DNAJC1: variants seen among roughly 807,000 people sequenced by gnomAD.
DNAJC1 encodes the protein dnaJ homolog subfamily C member 1.
Under a neutral mutation model 76.6 loss-of-function variants are expected in DNAJC1, and 58 were observed. That is an observed-to-expected ratio of 0.76 (90% CI 0.61 to 0.94). DNAJC1 has a LOEUF of 0.94. Among genes scored for constraint, DNAJC1 ranks in the 40% least tolerant of loss-of-function variants. The pLI is 0.00. For synonymous variants in DNAJC1, 258 were observed against 267.9 expected, an observed-to-expected ratio of 0.96 and a Z score of 0.36; for missense variants, 689 against 677.3, an observed-to-expected ratio of 1.02 and a Z score of -0.19.
At chr10:21,940,289 G>A (rs1837385124) in intron 1 of DNAJC1, among the ~76,000 whole-genome samples, 1 of 152,164 alleles carries the variant, frequency 6.6e-6, no homozygotes, top group African/African-American at 2.4e-5. Context: ...TGGCCAATAT[G>A]TTACAAAAGA....
chr10:21,829,436 T>C (rs1417771929), intron 8 of DNAJC1, among the ~76,000 whole-genome samples: 2 of 152,234 alleles, frequency 1.3e-5, no homozygotes, highest in Non-Finnish European at 2.9e-5. Context: ...CAGAATGGTC[T>C]TGATTTCCTG....
chr10:21,923,283 T>C (rs1837067226), intron 3 of DNAJC1, among the ~76,000 whole-genome samples: 1 of 151,976 alleles, frequency 6.6e-6, no homozygotes, highest in African/African-American at 2.4e-5. Flanking sequence ...ATAGCTTCCA[T>C]TATAGTTCAT....
rs111997994 is a variant in DNAJC1, at chr10:21,870,319, A to G, written c.978+11963T>C. ...AACTTCTCAACTTGATTTTTTAAAA[A>G]CTTAGACTGATGTGGACAAAATCAG... On this transcript the variant is annotated intron_variant, in intron 8 of 11. Coordinates refer to ENST00000376980, the MANE Select transcript of DNAJC1 (RefSeq NM_022365.4). Among the ~76,000 whole-genome samples, 37 of 152,262 alleles carry G rather than the reference A, an allele frequency of 2.4e-4. 1 individual carries two copies. Among genetic ancestry groups the G allele is most frequent in the African/African-American group, 8.4e-4 (35 of 41,534 alleles).
At chr10:21,839,752 G>C (rs1835539304) in intron 8 of DNAJC1, among the ~76,000 whole-genome samples, 1 of 152,250 alleles carries the variant, frequency 6.6e-6, no homozygotes, top group South Asian at 2.1e-4. Flanking sequence ...CTCATTTTAT[G>C]AGGCCAGCAT....
chr10:21,956,140 G>A (rs910389032), intron 1 of DNAJC1, among the ~76,000 whole-genome samples: 7 of 152,078 alleles, frequency 4.6e-5, no homozygotes, highest in African/African-American at 1.7e-4. Context: ...AGAGCCTTTC[G>A]CTGCATCATC....
chr10:21,805,235 C>G (rs1008022809), intron 9 of DNAJC1, among the ~76,000 whole-genome samples: 15 of 152,002 alleles, frequency 9.9e-5, no homozygotes, highest in African/African-American at 2.7e-4. Flanking sequence ...TACTATCCCT[C>G]ATGAAAATAT....
intron 8 of DNAJC1, among the ~76,000 whole-genome samples, chr10:21,853,171 T>C (rs1590016279): frequency 6.6e-6 from 1 of 152,314 alleles, no homozygotes; most frequent in Non-Finnish European, 1.5e-5. Flanking sequence ...TACCTTTCTT[T>C]CCAGCTTTAT....
intron 1 of DNAJC1, among the ~76,000 whole-genome samples, chr10:21,975,355 G>A (rs900586353): frequency 6.6e-6 from 1 of 151,940 alleles, no homozygotes; most frequent in African/African-American, 2.4e-5. Context: ...GAGAGTGAGA[G>A]AGAGAGACCA....
At chr10:21,949,110 A>G (rs1406146193) in intron 1 of DNAJC1, among the ~76,000 whole-genome samples, 1 of 152,222 alleles carries the variant, frequency 6.6e-6, no homozygotes, top group Non-Finnish European at 1.5e-5. Flanking sequence ...CAAAACAAAC[A>G]AACAAAAACA....
At chr10:21,794,054 C>T (rs923003067) in intron 9 of DNAJC1, among the ~76,000 whole-genome samples, 1 of 152,072 alleles carries the variant, frequency 6.6e-6, no homozygotes, top group African/African-American at 2.4e-5. Context: ...GCGGGAGGAT[C>T]GCTTGAGGTC....
At chr10:21,932,299 C>T (rs1291159570) in intron 1 of DNAJC1, among the ~76,000 whole-genome samples, 15 of 152,120 alleles carry the variant, frequency 9.9e-5, no homozygotes. Flanking sequence ...ACGATTGCAC[C>T]ACTACACTCC....
intron 11 of DNAJC1, among the ~76,000 whole-genome samples, chr10:21,757,147 G>A (rs546941458): frequency 5.9e-5 from 9 of 152,292 alleles, no homozygotes; most frequent in African/African-American, 9.6e-5. Flanking sequence ...CTTCTTCCGT[G>A]GGTCTGGCTT....
intron 8 of DNAJC1, among the ~76,000 whole-genome samples, chr10:21,868,724 T>G (rs1432421312): frequency 2.0e-5 from 3 of 151,848 alleles, no homozygotes; most frequent in African/African-American, 2.4e-5. Flanking sequence ...AAACTAAAAT[T>G]TGAAGCTCCC....
chr10:21,984,864 C>T (rs1035246047), intron 1 of DNAJC1, among the ~76,000 whole-genome samples: 1 of 152,112 alleles, frequency 6.6e-6, no homozygotes. Context: ...GTAGAAATAA[C>T]CTTGTGTACT....
At chr10:21,861,267 C>A (rs1835913779) in intron 8 of DNAJC1, among the ~76,000 whole-genome samples, 2 of 152,004 alleles carry the variant, frequency 1.3e-5, no homozygotes, top group South Asian at 4.1e-4. Flanking sequence ...GAGTATAGAA[C>A]TGCATCAATT....
intron 1 of DNAJC1, among the ~76,000 whole-genome samples, chr10:21,997,720 T>A (rs910466266): frequency 6.6e-6 from 1 of 152,206 alleles, no homozygotes; most frequent in African/African-American, 2.4e-5. Context: ...ACAGGCCGAA[T>A]GAGCTTAAAA....
chr10:21,941,491 A>G (rs892606558), intron 1 of DNAJC1, among the ~76,000 whole-genome samples: 1 of 152,094 alleles, frequency 6.6e-6, no homozygotes, highest in African/African-American at 2.4e-5. Context: ...AAAGAGATGC[A>G]CAGTGAAGCA....
chr10:21,779,417 C>G (rs1464694977), intron 9 of DNAJC1, among the ~76,000 whole-genome samples: 3 of 152,206 alleles, frequency 2.0e-5, no homozygotes, highest in African/African-American at 7.2e-5. Context: ...AACGATCAGG[C>G]AGCAACATTT....
chr10:21,837,688 T>A (rs933858284), intron 8 of DNAJC1, among the ~76,000 whole-genome samples: 2 of 145,780 alleles, frequency 1.4e-5, no homozygotes, highest in African/African-American at 5.2e-5. Context: ...CCGCCCCGTC[T>A]GGGAAGTGAG....
Sources: gnomAD v4.1 joint callset for allele counts (sites outside exome capture counted in the v4.1 genomes callset) on GRCh38, gnomAD v4.1.1 for gene constraint, MANE v1.5 for transcripts, NCBI Gene and HGNC (gene_info 2026-07-23, HGNC 2026-07-21) for gene names.